The following FNDC3A variants were observed in gnomAD, a reference collection of about 807,000 sequenced individuals.
The protein encoded by FNDC3A is fibronectin type-III domain-containing protein 3A.
Under a neutral mutation model 148.9 loss-of-function variants are expected in FNDC3A, and 32 were observed. The ratio of observed to expected loss-of-function variants is 0.21; its 90% CI spans 0.16 to 0.29. The LOEUF is 0.29. FNDC3A is among the 10% of genes least tolerant of loss of function. The pLI, the probability that FNDC3A is intolerant of heterozygous loss-of-function variation, is 1.00. For synonymous variants in FNDC3A, 472 were observed against 473.6 expected, an observed-to-expected ratio of 1.00 and a Z score of 0.04; for missense variants, 1,191 against 1,452.8, an observed-to-expected ratio of 0.82 and a Z score of 2.93.
intron 19 of FNDC3A, among the ~76,000 whole-genome samples, chr13:49,192,613 C>G (rs1182791703): frequency 2.0e-5 from 3 of 152,038 alleles, no homozygotes; most frequent in Non-Finnish European, 4.4e-5. Flanking sequence ...TCTTATATGT[C>G]AAATTTATAT....
intron 2 of FNDC3A, among the ~76,000 whole-genome samples, chr13:49,063,247 A>G (rs896018027): frequency 3.3e-5 from 5 of 152,254 alleles, no homozygotes; most frequent in South Asian, 2.1e-4. Context: ...AGCCAAATCT[A>G]TAACTCATTT....
intron 25 of FNDC3A, among the ~76,000 whole-genome samples, chr13:49,204,956 A>T (rs1297515679): frequency 1.3e-5 from 2 of 151,758 alleles, no homozygotes; most frequent in South Asian, 2.1e-4. Context: ...TCTTAGATGA[A>T]TTTTTTTTTC....
At chr13:49,172,229 T>C in intron 11 of FNDC3A, 133 bp downstream of exon 11, 1 of 519,110 alleles carries the variant, frequency 1.9e-6, no homozygotes, top group East Asian at 3.3e-5. Flanking sequence ...GTGTGGTGCA[T>C]GAGTGGATTG....
rs1886784337 is a variant in FNDC3A at position 49,209,140 on chromosome 13, A to G, written c.*1745A>G. The G allele has an allele frequency of 6.6e-6, 1 of 152,602 alleles. No homozygotes were observed. Among genetic ancestry groups the G allele is most frequent in the African/African-American group, 2.4e-5 (1 of 41,468 alleles). 9.5% of individuals were successfully genotyped at this position (152,602 alleles called of 1,614,324 possible). On this transcript the variant is annotated 3_prime_UTR_variant, in exon 26 of 26. Coordinates refer to ENST00000492622, the MANE Select transcript of FNDC3A (RefSeq NM_001079673.2). Reference sequence around the variant, plus strand: ...ACAACAGTGATTGCGATTGTTTTCTAGAAACTTCTTTAAAGTGCCACATTT... The same window carrying G: ...ACAACAGTGATTGCGATTGTTTTCTGGAAACTTCTTTAAAGTGCCACATTT...
intron 1 of FNDC3A, among the ~76,000 whole-genome samples, chr13:49,000,269 G>A (rs559965700): frequency 1.1e-4 from 17 of 152,208 alleles, no homozygotes; most frequent in Non-Finnish European, 2.4e-4. Flanking sequence ...TATAGTGTAA[G>A]ATAATCCAAA....
intron 2 of FNDC3A, among the ~76,000 whole-genome samples, chr13:49,019,855 T>C (rs1044419644): frequency 4.6e-5 from 7 of 152,202 alleles, no homozygotes; most frequent in African/African-American, 1.7e-4. Flanking sequence ...GAGTTTACCC[T>C]TTTGTTTCTT....
chr13:49,130,825 A>G (rs192431674), intron 4 of FNDC3A, among the ~76,000 whole-genome samples: 42 of 152,122 alleles, frequency 2.8e-4, no homozygotes, highest in East Asian at 2.1e-3. Flanking sequence ...CTAGAGTGCA[A>G]TGGTGCTATC....
At chr13:49,008,928 T>G (rs1952278863) in intron 2 of FNDC3A, among the ~76,000 whole-genome samples, 1 of 97,662 alleles carries the variant, frequency 1.0e-5, no homozygotes, top group African/African-American at 3.6e-5. Flanking sequence ...TTCTCCACAG[T>G]TTCTTCATTT....
At chr13:49,188,700 G>T (rs913041259) in intron 17 of FNDC3A, 67 bp downstream of exon 17, 3 of 934,402 alleles carry the variant, frequency 3.2e-6, no homozygotes, top group Non-Finnish European at 5.2e-6. Flanking sequence ...GGATCACCAG[G>T]TGCCACTTCA....
intron 2 of FNDC3A, chr13:49,045,659 TA>T: frequency 9.6e-7 from 1 of 1,045,912 alleles, no homozygotes; most frequent in South Asian, 1.6e-5. Flanking sequence ...CATTTTTTCC[TA>T]AAGCTCTGAA....
chr13:49,042,482 A>C (rs1347896474), intron 2 of FNDC3A, among the ~76,000 whole-genome samples: 1 of 152,092 alleles, frequency 6.6e-6, no homozygotes, highest in African/African-American at 2.4e-5. Context: ...GACACTTAAC[A>C]TACTAATTTT....
chr13:49,044,923 C>A, intron 2 of FNDC3A: 1 of 284,252 alleles, frequency 3.5e-6, no homozygotes. Context: ...TCACATCTTT[C>A]ATAGCTGTAG....
chr13:49,080,415 G>A (rs9535145), intron 3 of FNDC3A, among the ~76,000 whole-genome samples: 47,780 of 151,878 alleles, frequency 0.31, 7,613 homozygotes, highest in South Asian at 0.48. Context: ...TTATTCACTG[G>A]TTTTAACTTA....
intron 3 of FNDC3A, among the ~76,000 whole-genome samples, chr13:49,113,489 A>G (rs371373596): frequency 2.6e-5 from 4 of 152,054 alleles, no homozygotes; most frequent in East Asian, 1.9e-4. Context: ...TGTGACCTCC[A>G]TGTCCTTTAT....
intron 2 of FNDC3A, among the ~76,000 whole-genome samples, chr13:49,049,823 G>A (rs1030355435): frequency 2.0e-5 from 3 of 151,974 alleles, no homozygotes; most frequent in Non-Finnish European, 2.9e-5. Context: ...ATGTTCAAGC[G>A]ATTCATCTGC....
At chr13:48,986,373 G>A (rs1300554078) in intron 1 of FNDC3A, among the ~76,000 whole-genome samples, 1 of 136,810 alleles carries the variant, frequency 7.3e-6, no homozygotes, top group Admixed American at 7.5e-5. Context: ...ACAGAGTAAG[G>A]AGAAGGAAGT....
At chr13:49,015,508 G>A (rs1229250825) in intron 2 of FNDC3A, among the ~76,000 whole-genome samples, 2 of 152,210 alleles carry the variant, frequency 1.3e-5, no homozygotes, top group Non-Finnish European at 2.9e-5. Flanking sequence ...GGCTGAGACA[G>A]TGGGGTTTTC....
At chr13:49,172,936 T>C (rs1310460118) in intron 11 of FNDC3A, among the ~76,000 whole-genome samples, 1 of 152,128 alleles carries the variant, frequency 6.6e-6, no homozygotes, top group African/African-American at 2.4e-5. Flanking sequence ...TAGTTGCTGT[T>C]TTTGCCATTA....
chr13:48,977,319 G>GGAAT (rs1951622073), intron 1 of FNDC3A, among the ~76,000 whole-genome samples: 1 of 152,114 alleles, frequency 6.6e-6, no homozygotes, highest in Admixed American at 6.5e-5. Flanking sequence ...CTGTATTGTA[G>GGAAT]GAATGAAATA....
Sources: allele counts gnomAD v4.1 joint callset (sites outside exome capture counted in the v4.1 genomes callset), GRCh38; gene constraint gnomAD v4.1.1; transcripts MANE v1.5; gene names NCBI Gene and HGNC (gene_info 2026-07-23, HGNC 2026-07-21).